The following CDH13 variants were observed in gnomAD, a reference collection of about 807,000 sequenced individuals.
CDH13 encodes cadherin-13.
In CDH13, 24 loss-of-function variants were observed where a neutral mutation model predicts 63.8. That is an observed-to-expected ratio of 0.38 (90% CI 0.27 to 0.53). The LOEUF (loss-of-function observed/expected upper bound fraction) is 0.53. Among genes scored for constraint, CDH13 ranks in the 20% least tolerant of loss-of-function variants. CDH13 has a pLI of 0.85. For synonymous variants in CDH13, 503 were observed against 355.3 expected, an observed-to-expected ratio of 1.42 and a Z score of -4.67; for missense variants, 1,049 against 903.1, an observed-to-expected ratio of 1.16 and a Z score of -2.07.
chr16:82,907,268 G>A (rs2151256563), intron 2 of CDH13, among the ~76,000 whole-genome samples: 1 of 152,246 alleles, frequency 6.6e-6, no homozygotes, highest in East Asian at 1.9e-4. Context: ...TTTGCAGGAG[G>A]AAGGGGTGGC....
At chr16:83,206,185 T>G (rs896323309) in intron 4 of CDH13, among the ~76,000 whole-genome samples, 1 of 152,222 alleles carries the variant, frequency 6.6e-6, no homozygotes, top group Non-Finnish European at 1.5e-5. Flanking sequence ...CTCTGTCTGC[T>G]TCTTAATATC....
intron 2 of CDH13, among the ~76,000 whole-genome samples, chr16:82,867,316 T>G (rs920310716): frequency 2.0e-5 from 3 of 152,112 alleles, no homozygotes; most frequent in Non-Finnish European, 4.4e-5. Flanking sequence ...ATCAAGGAAA[T>G]TTGCCGGTGT....
At chr16:82,858,300 G>T (rs572011266) in intron 1 of CDH13, 62 bp from the exon 2 acceptor site, 2 of 1,152,106 alleles carry the variant, frequency 1.7e-6, no homozygotes, top group Non-Finnish European at 1.3e-6. Context: ...CGGATTTGGC[G>T]AAAGTTAGCA....
chr16:83,552,106 G>T (rs1567757879), intron 7 of CDH13, among the ~76,000 whole-genome samples: 1 of 152,222 alleles, frequency 6.6e-6, no homozygotes, highest in Non-Finnish European at 1.5e-5. Context: ...TGGGATAAAT[G>T]ATATGGCCCT....
intron 3 of CDH13, among the ~76,000 whole-genome samples, chr16:83,095,753 T>C (rs1488725139): frequency 6.6e-6 from 1 of 152,200 alleles, no homozygotes; most frequent in Admixed American, 6.5e-5. Context: ...ATGAAGTTTT[T>C]AATGAGCAGT....
intron 3 of CDH13, among the ~76,000 whole-genome samples, chr16:83,057,810 G>A (rs538614088): frequency 6.6e-6 from 1 of 152,142 alleles, no homozygotes; most frequent in African/African-American, 2.4e-5. Context: ...TAAGACCAGA[G>A]TGTGCTTCCA....
intron 5 of CDH13, among the ~76,000 whole-genome samples, chr16:83,234,487 C>T (rs556275404): frequency 6.6e-6 from 1 of 152,214 alleles, no homozygotes; most frequent in East Asian, 1.9e-4. Context: ...AGGGAAACCC[C>T]TTGAGGTTGG....
chr16:83,138,077 G>T (rs1004061947), intron 4 of CDH13, among the ~76,000 whole-genome samples: 6 of 152,124 alleles, frequency 3.9e-5, no homozygotes, highest in Non-Finnish European at 7.4e-5. Flanking sequence ...TTGAATGTGG[G>T]TTTAATTGTT....
chr16:82,639,957 TAAC>T (rs745734192), intron 1 of CDH13, among the ~76,000 whole-genome samples: 2 of 152,218 alleles, frequency 1.3e-5, no homozygotes, highest in African/African-American at 2.4e-5. Context: ...CTCATTCACT[TAAC>T]AAATATTTAC....
At chr16:83,279,903 T>C (rs2089112168) in intron 5 of CDH13, among the ~76,000 whole-genome samples, 1 of 152,188 alleles carries the variant, frequency 6.6e-6, no homozygotes. Context: ...TGCAATGTAG[T>C]AAGTATGCAA....
At chr16:82,888,910 T>C (rs542920348) in intron 2 of CDH13, among the ~76,000 whole-genome samples, 2 of 152,288 alleles carry the variant, frequency 1.3e-5, no homozygotes, top group East Asian at 3.9e-4. Flanking sequence ...GGTGGATAGC[T>C]TTCGATTTGC....
chr16:83,121,652 C>T (rs1047230483), intron 3 of CDH13, among the ~76,000 whole-genome samples: 1 of 152,168 alleles, frequency 6.6e-6, no homozygotes, highest in African/African-American at 2.4e-5. Context: ...TGCTATGGAA[C>T]ATTTAGGATG....
At chr16:82,854,691 T>A (rs2039620255) in intron 1 of CDH13, among the ~76,000 whole-genome samples, 1 of 152,228 alleles carries the variant, frequency 6.6e-6, no homozygotes, top group Admixed American at 6.5e-5. Flanking sequence ...CAGAAATGTC[T>A]CTTTTGTGGT....
In CDH13 at chr16:83,532,788, G is replaced by A. The variant is rs144359287; in HGVS notation, c.960+46133G>A. The stretch of plus-strand genomic sequence containing the variant: ...CCTCTCCCTCTGTCCCTTTGCACTA[G>A]AGCAGTTGTCCCATTAAGCCATGTG... On this transcript the variant is annotated intron_variant, in intron 7 of 13. Coordinates refer to ENST00000567109, the MANE Select transcript of CDH13 (RefSeq NM_001257.5). Among the ~76,000 whole-genome samples the A allele has an allele frequency of 2.7e-3, 416 of 152,302 alleles. 4 individuals are homozygous for A. The highest frequency in any genetic ancestry group is 9.3e-3 in the African/African-American group (386 of 41,554).
rs182866643 is a variant in CDH13 at position 83,383,454 on chromosome 16, C to T, written c.781+38448C>T. Among the ~76,000 whole-genome samples, 14 of 152,280 alleles carry T rather than the reference C, an allele frequency of 9.2e-5. No homozygotes were observed. The East Asian group carries it at 2.7e-3, about 29-fold the overall frequency. On this transcript the variant is annotated intron_variant, in intron 6 of 13. Transcript: ENST00000567109. ...AACTCACAAGCCTTGACTCACCTGCCAGTTCTTAGCTGAGCATCTGCCCTG... is the reference window on the plus strand; with the variant it reads ...AACTCACAAGCCTTGACTCACCTGCTAGTTCTTAGCTGAGCATCTGCCCTG...
At chr16:83,338,882 G>A (rs1241890781) in intron 5 of CDH13, among the ~76,000 whole-genome samples, 1 of 152,218 alleles carries the variant, frequency 6.6e-6, no homozygotes, top group Admixed American at 6.5e-5. Flanking sequence ...ATTACAGAAA[G>A]ACTTGTCAAA....
chr16:82,956,061 C>G (rs922275004), intron 2 of CDH13, among the ~76,000 whole-genome samples: 13 of 152,284 alleles, frequency 8.5e-5, no homozygotes, highest in African/African-American at 2.9e-4. Flanking sequence ...TAAACTCAAT[C>G]TCCCCACCAA....
At chr16:82,912,726 G>A (rs974518582) in intron 2 of CDH13, among the ~76,000 whole-genome samples, 4 of 152,140 alleles carry the variant, frequency 2.6e-5, no homozygotes, top group Non-Finnish European at 5.9e-5. Flanking sequence ...GGCGGATCAC[G>A]AGGTCAGGAG....
Position 83,648,833 on chromosome 16 carries a change from G to A in CDH13, c.1102-21957G>A, listed in dbSNP as rs1912086603. On this transcript the variant is annotated intron_variant, in intron 8 of 13. Coordinates refer to ENST00000567109, the MANE Select transcript of CDH13 (RefSeq NM_001257.5). Reference sequence around the variant, plus strand: ...TCCCCCTTTTTCTCTTTCCCTCGCTGTTTCTTTCTTCTTCCTTTCTTTGTC... The same window carrying A: ...TCCCCCTTTTTCTCTTTCCCTCGCTATTTCTTTCTTCTTCCTTTCTTTGTC... Among the ~76,000 whole-genome samples the A allele has an allele frequency of 2.6e-5, 4 of 151,374 alleles. No homozygotes were observed. The South Asian group carries it at 8.4e-4, about 32-fold the overall frequency.
Sources: allele counts gnomAD v4.1 joint callset (sites outside exome capture counted in the v4.1 genomes callset), GRCh38; gene constraint gnomAD v4.1.1; transcripts MANE v1.5; gene names NCBI Gene and HGNC (gene_info 2026-07-23, HGNC 2026-07-21).